ABCG5: variants seen among roughly 807,000 people sequenced by gnomAD.
The protein encoded by ABCG5 is ATP-binding cassette sub-family G member 5.
A neutral mutation model predicts 64.5 loss-of-function variants in ABCG5; 64 were observed. That is an observed-to-expected ratio of 0.99 (90% CI 0.81 to 1.22). ABCG5 has a LOEUF of 1.22. ABCG5 is among the 50% of genes most tolerant of loss of function. The pLI, the probability that ABCG5 is intolerant of heterozygous loss-of-function variation, is 0.00. For missense variants in ABCG5, 908 were observed against 829.5 expected, an observed-to-expected ratio of 1.09 and a Z score of -1.16; for synonymous variants, 385 against 326.3, an observed-to-expected ratio of 1.18 and a Z score of -1.94.
chr2:43,816,965 A>C (rs952019199), intron 11 of ABCG5, among the ~76,000 whole-genome samples: 3 of 152,194 alleles, frequency 2.0e-5, no homozygotes, highest in African/African-American at 7.2e-5. Context: ...TTTGTGTTTA[A>C]AAGAGAAGGG....
intron 11 of ABCG5, 23 bp from the exon 12 acceptor site, chr2:43,814,612 T>A: frequency 7.2e-7 from 1 of 1,394,482 alleles, no homozygotes; most frequent in African/African-American, 1.4e-5. Flanking sequence ...AAAACAAAAA[T>A]GAAATTCAGT....
At chr2:43,810,738 T>C (rs1242148626), downstream of ABCG5, among the ~76,000 whole-genome samples, 1 of 152,186 alleles carries the variant, frequency 6.6e-6, no homozygotes, top group South Asian at 2.1e-4. Context: ...GAACAGAATT[T>C]TCAGCATGTT....
intron 4 of ABCG5, among the ~76,000 whole-genome samples, chr2:43,828,865 T>C (rs1667794846): frequency 6.7e-6 from 1 of 149,260 alleles, no homozygotes; most frequent in African/African-American, 2.5e-5. Context: ...ACTCGGAGGC[T>C]AAGGCAGGAG....
chr2:43,811,302 A>T (rs1476858736), downstream of ABCG5, among the ~76,000 whole-genome samples: 3 of 152,244 alleles, frequency 2.0e-5, no homozygotes. Flanking sequence ...AAAATTGACA[A>T]TACTAGTCTG....
chr2:43,808,993 A>T (rs925254921), downstream of ABCG5, among the ~76,000 whole-genome samples: 1 of 151,700 alleles, frequency 6.6e-6, no homozygotes, highest in Non-Finnish European at 1.5e-5. Context: ...ACACACACAC[A>T]CACACACTTT....
intron 2 of ABCG5, among the ~76,000 whole-genome samples, chr2:43,834,709 A>G (rs1436178153): frequency 6.6e-6 from 1 of 152,258 alleles, no homozygotes; most frequent in Non-Finnish European, 1.5e-5. Context: ...AAAGGGCGAT[A>G]AAACTATGAC....
Position 43,813,032 on chromosome 2 carries a change from A to G in ABCG5, c.*84T>C. On this transcript the variant is annotated 3_prime_UTR_variant, in exon 13 of 13. Transcript: ENST00000405322. Reference sequence around the variant, plus strand: ...CTTGAGATGTCCTGTCAAGAAAGAAATACATGGCACTCTCATTTCAGACGT... The same window carrying G: ...CTTGAGATGTCCTGTCAAGAAAGAAGTACATGGCACTCTCATTTCAGACGT... 2.7e-6 allele frequency: 2 copies of G among 741,782 alleles called. No homozygotes were observed. Among genetic ancestry groups the G allele is most frequent in the Middle Eastern group, 2.3e-4 (1 of 4,394 alleles). The allele number at this position is 741,782 out of a possible 1,614,324, so 46.0% of individuals were successfully genotyped here.
At position 43,817,941 on chromosome 2, in the gene ABCG5, AAGACACCT is replaced by A. The variant is rs1558726247; in HGVS notation, c.1649+1966_1649+1973del. Reference sequence around the variant, plus strand: ...AACAAACAAACAAAAAAACACATGTAAGACACCTAGCCCACCAAACATTACAGCTTAGC... The same window carrying A: ...AACAAACAAACAAAAAAACACATGTAAGCCCACCAAACATTACAGCTTAGC... On this transcript the variant is annotated intron_variant, in intron 11 of 12. Coordinates refer to ENST00000405322, the MANE Select transcript of ABCG5 (RefSeq NM_022436.3). Among the ~76,000 whole-genome samples, 3 of 152,176 alleles carry A rather than the reference AAGACACCT, an allele frequency of 2.0e-5. No homozygotes were observed. In the East Asian group the frequency reaches 5.8e-4, roughly 29 times the overall value.
At chr2:43,824,467 T>C in intron 7 of ABCG5, 35 bp from the exon 8 acceptor site, 1 of 1,609,830 alleles carries the variant, frequency 6.2e-7, no homozygotes, top group Non-Finnish European at 8.5e-7. Flanking sequence ...CACCCATGTG[T>C]TTTTAAATGC....
At chr2:43,824,154 G>C in intron 8 of ABCG5, 36 bp from the exon 9 acceptor site, 1 of 1,614,126 alleles carries the variant, frequency 6.2e-7, no homozygotes, top group Admixed American at 1.7e-5. Flanking sequence ...TTCCTTTTCA[G>C]AATTGTTATT....
intron 12 of ABCG5, 81 bp from the exon 13 acceptor site, chr2:43,813,390 A>C: frequency 1.0e-6 from 1 of 978,564 alleles, no homozygotes; most frequent in Admixed American, 2.0e-5. Context: ...AGCGCTTGCT[A>C]AGTACCCTTA....
chr2:43,827,114 C>T (rs952299102), intron 5 of ABCG5, among the ~76,000 whole-genome samples: 1 of 152,140 alleles, frequency 6.6e-6, no homozygotes. Context: ...CACCTGAGGT[C>T]AGGAGTTCGA....
At chr2:43,821,740 T>A (rs916777222) in intron 10 of ABCG5, among the ~76,000 whole-genome samples, 1 of 152,200 alleles carries the variant, frequency 6.6e-6, no homozygotes, top group African/African-American at 2.4e-5. Flanking sequence ...CCATGATGAC[T>A]GATATAAACC....
At position 43,814,561 on chromosome 2, in the gene ABCG5, TAAAAG is replaced by T. The variant is rs773662516; in HGVS notation, c.1673_1677del (p.Pro558GlnfsTer14). The T allele has an allele frequency of 1.0e-5, 16 of 1,605,154 alleles. No individual in the cohort carries two copies. In the East Asian group the frequency reaches 3.6e-4, roughly 36 times the overall value. On this transcript the variant is annotated frameshift_variant, in exon 12 of 13. Transcript: ENST00000405322. LOFTEE classifies it high-confidence loss of function. ...TGGAATGTAAAATAACTGATGATTT[TAAAAG>T]GAATGGGCATTTCTTGTATGTTTCT...
chr2:43,823,158 A>T (rs1158281346), intron 9 of ABCG5, among the ~76,000 whole-genome samples: 3 of 152,188 alleles, frequency 2.0e-5, no homozygotes. Flanking sequence ...AAAAGATGTC[A>T]TTTATTTCCT....
intron 4 of ABCG5, among the ~76,000 whole-genome samples, chr2:43,828,792 C>T (rs910329924): frequency 1.1e-4 from 17 of 152,060 alleles, no homozygotes; most frequent in African/African-American, 3.9e-4. Flanking sequence ...ACGGTGAAAC[C>T]CTGTCTGTTC....
chr2:43,826,148 C>A (rs999391738), intron 6 of ABCG5, among the ~76,000 whole-genome samples: 1 of 151,498 alleles, frequency 6.6e-6, no homozygotes, highest in East Asian at 1.9e-4. Flanking sequence ...GCTAATTTTT[C>A]TTTTTCTTTC....
Position 43,832,153 on chromosome 2 carries a change from C to A in ABCG5, c.266-70G>T, listed in dbSNP as rs991447997. On this transcript the variant is annotated intron_variant, in intron 2 of 12. Transcript: ENST00000405322. The stretch of plus-strand genomic sequence containing the variant: ...GGCCTTGGAGGAGCTTCCCGAGACC[C>A]TCTGTGCAGGCATGACCCCGCGGGC... 7.7e-5 allele frequency: 119 copies of A among 1,549,312 alleles called. No homozygotes were observed. The African/African-American group carries it at 1.4e-3, about 19-fold the overall frequency.
At chr2:43,830,848 A>G (rs535300151) in intron 4 of ABCG5, among the ~76,000 whole-genome samples, 2 of 152,352 alleles carry the variant, frequency 1.3e-5, no homozygotes, top group South Asian at 4.1e-4. Context: ...GGAGACAATT[A>G]AGAAAGAGAT....
Sources: allele counts gnomAD v4.1 joint callset (sites outside exome capture counted in the v4.1 genomes callset), GRCh38; gene constraint gnomAD v4.1.1; transcripts MANE v1.5; gene names NCBI Gene and HGNC (gene_info 2026-07-23, HGNC 2026-07-21).